The following VPS13A variants were observed in gnomAD, a reference collection of about 807,000 sequenced individuals.
VPS13A encodes intermembrane lipid transfer protein VPS13A.
In VPS13A, 264 loss-of-function variants were observed where a neutral mutation model predicts 390.9. The ratio of observed to expected loss-of-function variants is 0.68; its 90% confidence interval spans 0.61 to 0.75. The LOEUF (loss-of-function observed/expected upper bound fraction) is 0.75. Ranked by LOEUF, VPS13A falls within the 30% of genes least tolerant of loss-of-function variation. VPS13A has a pLI of 0.00. For missense variants in VPS13A, 3,409 were observed against 3,733.9 expected (o/e 0.91, Z 2.27); for synonymous variants, 1,231 against 1,227.1 (o/e 1.00, Z -0.07).
At chr9:77,238,560 A>T (rs1824284409) in intron 19 of VPS13A, among the ~76,000 whole-genome samples, 174 bp downstream of exon 19, 1 of 152,228 alleles carries the variant, frequency 6.6e-6, no homozygotes, top group Non-Finnish European at 1.5e-5. Context: ...TAAAACCATA[A>T]TCATTTTTTA....
Position 77,416,294 on chromosome 9 carries a change from T to A in VPS13A, c.*288T>A, listed in dbSNP as rs1204500222. 2.9e-6 allele frequency: 1 copy of A among 348,228 alleles called. No homozygotes were observed. The highest frequency in any genetic ancestry group is 5.4e-6 in the Non-Finnish European group (1 of 184,634). 21.6% of individuals were successfully genotyped at this position (348,228 alleles called of 1,614,324 possible). ...TATTTTGTAAAAGAAGACAAAATTA[T>A]GAATCTTAAGTATTTGCTCCATCTT... On this transcript the variant is annotated 3_prime_UTR_variant, in exon 72 of 72. Transcript: ENST00000360280.
At chr9:77,178,143 C>T (rs971553875) in intron 1 of VPS13A, 24 of 309,518 alleles carry the variant, frequency 7.8e-5, no homozygotes, top group Middle Eastern at 1.1e-3. Flanking sequence ...CACGGTCCGG[C>T]TTTAGCCGCG....
intron 5 of VPS13A, among the ~76,000 whole-genome samples, chr9:77,207,340 ACTC>A (rs1825739724): frequency 6.8e-6 from 1 of 146,084 alleles, no homozygotes; most frequent in Non-Finnish European, 1.5e-5. Flanking sequence ...CATATTTTAA[ACTC>A]ATCTCGTGTT....
chr9:77,180,175 A>G (rs905546407), intron 1 of VPS13A, among the ~76,000 whole-genome samples: 1 of 148,758 alleles, frequency 6.7e-6, no homozygotes, highest in African/African-American at 2.5e-5. Context: ...ATGCCACTGA[A>G]CATTCATGTA....
chr9:77,316,038 G>T, intron 38 of VPS13A, 136 bp from the exon 39 acceptor site: 1 of 371,070 alleles, frequency 2.7e-6, no homozygotes, highest in Non-Finnish European at 4.1e-6. Flanking sequence ...TTTACTAAGG[G>T]TTGTAGTTGA....
Position 77,350,881 on chromosome 9 carries a change from A to G in VPS13A, c.7290-436A>G, listed in dbSNP as rs1404652452. The G allele has an allele frequency of 1.8e-5, 3 of 167,486 alleles. 1 individual carries two copies. Among genetic ancestry groups the G allele is most frequent in the South Asian group, 2.8e-4 (2 of 7,060 alleles). The allele number at this position is 167,486 out of a possible 1,614,324, so 10.4% of individuals were successfully genotyped here. A position where few individuals can be genotyped will look rare whatever the true frequency, so the allele number is the denominator to read the frequency against. ...TTTCTGAGCATCTTTTTGTGAGTCA[A>G]CTGAATTTCTTAGATGTGTATTTCA... is the stretch of plus-strand genomic sequence containing the variant. On this transcript the variant is annotated intron_variant, in intron 52 of 71. Transcript: ENST00000360280.
At chr9:77,401,995 T>G (rs1374890231) in intron 68 of VPS13A, among the ~76,000 whole-genome samples, 3 of 152,228 alleles carry the variant, frequency 2.0e-5, no homozygotes, top group Non-Finnish European at 4.4e-5. Flanking sequence ...CAGTGCTGTC[T>G]GTGGTTTCAG....
chr9:77,195,742 AG>A (rs1824960126), intron 1 of VPS13A, among the ~76,000 whole-genome samples: 1 of 152,098 alleles, frequency 6.6e-6, no homozygotes, highest in South Asian at 2.1e-4. Flanking sequence ...GTCTCAAAAA[AG>A]AAAAAAAAAG....
chr9:77,358,680 A>G (rs1009711142), intron 57 of VPS13A, among the ~76,000 whole-genome samples: 2 of 152,236 alleles, frequency 1.3e-5, no homozygotes, highest in African/African-American at 2.4e-5. Flanking sequence ...ATACTAATTT[A>G]AAAAGCAGAT....
intron 50 of VPS13A, 34 bp from the exon 51 acceptor site, chr9:77,344,115 CTGTT>C: frequency 6.8e-7 from 1 of 1,466,372 alleles, no homozygotes; most frequent in African/African-American, 1.4e-5. Context: ...ATGGTGAAAT[CTGTT>C]TATTTTTATA....
At chr9:77,268,693 A>C (rs1826171781) in intron 23 of VPS13A, among the ~76,000 whole-genome samples, 1 of 152,104 alleles carries the variant, frequency 6.6e-6, no homozygotes, top group Non-Finnish European at 1.5e-5. Context: ...TAATCCCAGC[A>C]CTTAGGGAGC....
chr9:77,388,373 A>T (rs920241768), intron 68 of VPS13A, among the ~76,000 whole-genome samples: 1 of 152,190 alleles, frequency 6.6e-6, no homozygotes, highest in African/African-American at 2.4e-5. Context: ...TGTTAAGAGA[A>T]CTAATTAGAA....
chr9:77,414,767 T>TAATAATAAA (rs1320723309), intron 71 of VPS13A, among the ~76,000 whole-genome samples: 6 of 143,888 alleles, frequency 4.2e-5, no homozygotes, highest in East Asian at 2.1e-4. Context: ...ATAATAATAA[T>TAATAATAAA]AAAAACTTAG....
chr9:77,373,154 C>T (rs1408613757), intron 67 of VPS13A, among the ~76,000 whole-genome samples: 1 of 151,484 alleles, frequency 6.6e-6, no homozygotes, highest in Non-Finnish European at 1.5e-5. Flanking sequence ...TCATATGGAA[C>T]CAAAAAAGAG....
At chr9:77,407,634 A>G in intron 71 of VPS13A, 27 bp downstream of exon 71, 3 of 1,516,456 alleles carry the variant, frequency 2.0e-6, no homozygotes, top group Non-Finnish European at 2.7e-6. Context: ...TTTTATTTAA[A>G]TAGGAGCTGC....
chr9:77,335,387 C>T (rs542075271), intron 46 of VPS13A, among the ~76,000 whole-genome samples: 1 of 152,030 alleles, frequency 6.6e-6, no homozygotes, highest in African/African-American at 2.4e-5. Context: ...AGCTTCTGCA[C>T]AGCAAAAGAA....
At chr9:77,348,145 A>G (rs1046012164) in intron 52 of VPS13A, among the ~76,000 whole-genome samples, 1 of 152,308 alleles carries the variant, frequency 6.6e-6, no homozygotes. Context: ...AGGAATAGAA[A>G]TCATTCTCTT....
At chr9:77,225,813 T>C in intron 13 of VPS13A, 113 bp from the exon 14 acceptor site, 1 of 785,060 alleles carries the variant, frequency 1.3e-6, no homozygotes, top group South Asian at 1.6e-5. Flanking sequence ...GTTCTGTTGT[T>C]TGCTTCCTAT....
chr9:77,232,841 A>G (rs1823914819), intron 17 of VPS13A, among the ~76,000 whole-genome samples: 1 of 152,178 alleles, frequency 6.6e-6, no homozygotes, highest in East Asian at 1.9e-4. Flanking sequence ...TATGGGAGCT[A>G]CAATTCAAGA....
Sources: allele counts gnomAD v4.1 joint callset (sites outside exome capture counted in the v4.1 genomes callset), GRCh38; gene constraint gnomAD v4.1.1; transcripts MANE v1.5; gene names NCBI Gene and HGNC (gene_info 2026-07-23, HGNC 2026-07-21).